PDIA5: variants seen among roughly 807,000 people sequenced by gnomAD.
PDIA5 encodes protein disulfide-isomerase A5.
A neutral mutation model predicts 77.6 loss-of-function variants in PDIA5; 58 were observed. The ratio of observed to expected loss-of-function variants is 0.75; its 90% CI spans 0.61 to 0.93. The LOEUF (loss-of-function observed/expected upper bound fraction) is 0.93. PDIA5 is among the 40% of genes least tolerant of loss of function. PDIA5 has a pLI of 0.00. For synonymous variants in PDIA5, 250 were observed against 252.1 expected, an observed-to-expected ratio of 0.99 and a Z score of 0.08; for missense variants, 630 against 647.7, an observed-to-expected ratio of 0.97 and a Z score of 0.30.
chr3:123,147,950 G>A (rs955732029), intron 13 of PDIA5, among the ~76,000 whole-genome samples: 3 of 152,196 alleles, frequency 2.0e-5, no homozygotes, highest in African/African-American at 4.8e-5. Flanking sequence ...CAGTGCTCCA[G>A]AGTCTTGGCC....
At chr3:123,130,409 G>C in intron 10 of PDIA5, 71 bp from the exon 11 acceptor site, 4 of 1,515,408 alleles carry the variant, frequency 2.6e-6, no homozygotes, top group Non-Finnish European at 2.7e-6. Flanking sequence ...TTGGGTCCAG[G>C]GGCCTGGAAT....
At chr3:123,145,770 A>G (rs1935754292) in intron 12 of PDIA5, among the ~76,000 whole-genome samples, 178 bp downstream of exon 12, 1 of 152,144 alleles carries the variant, frequency 6.6e-6, no homozygotes, top group Non-Finnish European at 1.5e-5. Flanking sequence ...GGGGGCAGAA[A>G]GACTACTGGC....
chr3:123,150,586 C>A (rs1935870456), intron 14 of PDIA5, among the ~76,000 whole-genome samples: 1 of 152,160 alleles, frequency 6.6e-6, no homozygotes, highest in African/African-American at 2.4e-5. Flanking sequence ...TCCTTTGGGG[C>A]AGCCTTTCTC....
At chr3:123,149,655 G>A (rs1021296845) in intron 13 of PDIA5, among the ~76,000 whole-genome samples, 2 of 152,182 alleles carry the variant, frequency 1.3e-5, no homozygotes, top group Non-Finnish European at 2.9e-5. Flanking sequence ...TTCCTTGACT[G>A]AGTAGATGCT....
At chr3:123,139,881 G>T (rs1214536316) in intron 11 of PDIA5, among the ~76,000 whole-genome samples, 2 of 152,158 alleles carry the variant, frequency 1.3e-5, no homozygotes, top group Non-Finnish European at 2.9e-5. Context: ...CAAGACAGCC[G>T]AGCCCCTGCC....
At chr3:123,131,555 TGA>T (rs1465632122) in intron 11 of PDIA5, among the ~76,000 whole-genome samples, 1 of 150,004 alleles carries the variant, frequency 6.7e-6, no homozygotes, top group Non-Finnish European at 1.5e-5. Flanking sequence ...GCCCAGGAGC[TGA>T]GAGGGCATGG....
At chr3:123,081,959 G>C (rs1934022513) in intron 1 of PDIA5, among the ~76,000 whole-genome samples, 1 of 152,206 alleles carries the variant, frequency 6.6e-6, no homozygotes, top group African/African-American at 2.4e-5. Context: ...AGTGAAGAGA[G>C]GAGTTTGTGT....
Position 123,161,961 on chromosome 3 carries a change from T to A in PDIA5, c.*1T>A, listed in dbSNP as rs1936170207. ...AGGGAAAAAGAAGGAAGAGTTATAA[T>A]TCCTGCCTCAGAAAAAGCTTTTCCA... is the stretch of plus-strand genomic sequence containing the variant. On this transcript the variant is annotated 3_prime_UTR_variant, in exon 17 of 17. Transcript: ENST00000316218. 11 of 1,566,520 alleles carry A rather than the reference T, an allele frequency of 7.0e-6. No individual in the cohort carries two copies. The highest frequency in any genetic ancestry group is 9.7e-6 in the Non-Finnish European group (11 of 1,137,404).
At chr3:123,113,329 G>A (rs147672511) in intron 7 of PDIA5, among the ~76,000 whole-genome samples, 5 of 152,302 alleles carry the variant, frequency 3.3e-5, no homozygotes, top group South Asian at 2.1e-4. Context: ...TTGCGCCCGT[G>A]TGCTGTGCCC....
chr3:123,113,777 T>G (rs918753744), intron 7 of PDIA5, among the ~76,000 whole-genome samples: 1 of 152,104 alleles, frequency 6.6e-6, no homozygotes, highest in Non-Finnish European at 1.5e-5. Flanking sequence ...CCAAAGGCAG[T>G]GAGAACCTTT....
At chr3:123,121,650 C>T (rs181726129) in intron 8 of PDIA5, among the ~76,000 whole-genome samples, 429 of 152,148 alleles carry the variant, frequency 2.8e-3, no homozygotes, top group African/African-American at 9.7e-3. Context: ...CGCCAGGAGG[C>T]GGGGGATGGG....
chr3:123,144,606 T>G (rs1935716060), intron 11 of PDIA5: 1 of 152,388 alleles, frequency 6.6e-6, no homozygotes, highest in South Asian at 2.1e-4. Context: ...CAGAGCAGGC[T>G]GGGCGCGGTG....
At chr3:123,161,100 A>G (rs544403992) in intron 15 of PDIA5, among the ~76,000 whole-genome samples, 5 of 152,340 alleles carry the variant, frequency 3.3e-5, no homozygotes, top group Admixed American at 2.6e-4. Context: ...AAGGCACTCC[A>G]GGCCGAGTCC....
intron 2 of PDIA5, 54 bp from the exon 3 acceptor site, chr3:123,092,301 C>T: frequency 1.4e-6 from 2 of 1,415,118 alleles, no homozygotes; most frequent in South Asian, 1.2e-5. Context: ...AGATAGCAGA[C>T]ATGACCCAGT....
At chr3:123,108,223 G>T (rs1337850098) in intron 6 of PDIA5, among the ~76,000 whole-genome samples, 2 of 151,834 alleles carry the variant, frequency 1.3e-5, no homozygotes, top group Non-Finnish European at 2.9e-5. Flanking sequence ...TTCAAATTAA[G>T]GACTGGGCAC....
rs369143022 is a variant in PDIA5 at position 123,124,054 on chromosome 3, G to T, written c.610-12G>T. On this transcript the variant is annotated splice_polypyrimidine_tract_variant and intron_variant, in intron 8 of 16. Transcript: ENST00000316218. ...CACAGGCTCCACACGGCTCTTCTCCGCTTCCTCCCAGGTGCTGGCCGGGAT... is the reference window on the plus strand; with the variant it reads ...CACAGGCTCCACACGGCTCTTCTCCTCTTCCTCCCAGGTGCTGGCCGGGAT... 6.3e-7 allele frequency: 1 copy of T among 1,597,616 alleles called. No individual in the cohort carries two copies. The highest frequency in any genetic ancestry group is 8.6e-7 in the Non-Finnish European group (1 of 1,165,016).
At chr3:123,115,572 C>T (rs950776299) in intron 7 of PDIA5, among the ~76,000 whole-genome samples, 1 of 152,176 alleles carries the variant, frequency 6.6e-6, no homozygotes, top group Non-Finnish European at 1.5e-5. Flanking sequence ...GAAGAAACAG[C>T]CCAGAGAGAG....
chr3:123,140,575 G>T (rs928009172), intron 11 of PDIA5, among the ~76,000 whole-genome samples: 6 of 152,214 alleles, frequency 3.9e-5, no homozygotes, highest in Admixed American at 6.5e-5. Context: ...ATTGCGAGGG[G>T]TTGTCCAGGG....
At chr3:123,137,465 C>T (rs1935528682) in intron 11 of PDIA5, among the ~76,000 whole-genome samples, 1 of 152,134 alleles carries the variant, frequency 6.6e-6, no homozygotes, top group African/African-American at 2.4e-5. Flanking sequence ...ATTTCTTGCT[C>T]TAATTTTGTT....
Sources: allele counts gnomAD v4.1 joint callset (sites outside exome capture counted in the v4.1 genomes callset), GRCh38; gene constraint gnomAD v4.1.1; transcripts MANE v1.5; gene names NCBI Gene and HGNC (gene_info 2026-07-23, HGNC 2026-07-21).